Variants in SCUBE1 observed in about 807,000 individuals in gnomAD.
SCUBE1 encodes signal peptide, CUB and EGF-like domain-containing protein 1.
In SCUBE1, 59 loss-of-function variants were observed where a neutral mutation model predicts 124.4. The observed-to-expected ratio is 0.47, with a 90% confidence interval of 0.38 to 0.59. The LOEUF is 0.59. SCUBE1 is among the 20% of genes least tolerant of loss of function. SCUBE1 has a pLI of 0.00. For synonymous variants in SCUBE1, 545 were observed against 550.9 expected, an observed-to-expected ratio of 0.99 and a Z score of 0.15; for missense variants, 1,150 against 1,371.2, an observed-to-expected ratio of 0.84 and a Z score of 2.55.
At chr22:43,254,178 C>CT (rs1272393481) in intron 6 of SCUBE1, among the ~76,000 whole-genome samples, 3 of 152,252 alleles carry the variant, frequency 2.0e-5, no homozygotes, top group Non-Finnish European at 4.4e-5. Flanking sequence ...CTTGCCCTGT[C>CT]TGCCTGTGTG....
chr22:43,261,158 G>A (rs1035971960), intron 5 of SCUBE1, among the ~76,000 whole-genome samples: 4 of 152,236 alleles, frequency 2.6e-5, no homozygotes, highest in Admixed American at 2.6e-4. Context: ...CAACACGGGG[G>A]ACTGGGAAAG....
intron 6 of SCUBE1, among the ~76,000 whole-genome samples, chr22:43,240,075 G>A (rs1922942488): frequency 6.6e-6 from 1 of 152,146 alleles, no homozygotes; most frequent in South Asian, 2.1e-4. Flanking sequence ...GTAGGCGTGT[G>A]CAGGGGGAGA....
intron 7 of SCUBE1, 114 bp from the exon 8 acceptor site, chr22:43,231,989 C>T (rs1922574025): frequency 7.7e-7 from 1 of 1,301,276 alleles, no homozygotes; most frequent in Non-Finnish European, 1.1e-6. Flanking sequence ...TTGCCTGGTG[C>T]CCACTTCCCA....
intron 9 of SCUBE1, among the ~76,000 whole-genome samples, chr22:43,228,108 T>C (rs1922400149): frequency 6.6e-6 from 1 of 152,194 alleles, no homozygotes; most frequent in South Asian, 2.1e-4. Flanking sequence ...AAGCACCAGC[T>C]ATGTCCTGAT....
At chr22:43,327,982 G>T (rs1236384009) in intron 2 of SCUBE1, among the ~76,000 whole-genome samples, 1 of 152,106 alleles carries the variant, frequency 6.6e-6, no homozygotes, top group Admixed American at 6.5e-5. Flanking sequence ...TTCTCCTCTG[G>T]GCTGGTTGCA....
At chr22:43,215,915 A>G (rs1257267457) in intron 15 of SCUBE1, among the ~76,000 whole-genome samples, 1 of 143,422 alleles carries the variant, frequency 7.0e-6, no homozygotes, top group Non-Finnish European at 1.5e-5. Context: ...ACACTCACAC[A>G]CATGCACACG....
At chr22:43,329,078 G>T (rs533336730) in intron 2 of SCUBE1, among the ~76,000 whole-genome samples, 1 of 152,350 alleles carries the variant, frequency 6.6e-6, no homozygotes, top group Non-Finnish European at 1.5e-5. Flanking sequence ...GAAGGATCAG[G>T]CCACCTCCCT....
chr22:43,286,071 G>C (rs1043787872), intron 4 of SCUBE1, among the ~76,000 whole-genome samples: 1 of 152,322 alleles, frequency 6.6e-6, no homozygotes, highest in South Asian at 2.1e-4. Flanking sequence ...CTGACTCTGC[G>C]GCCGGCTTGT....
chr22:43,203,994 C>G lies in SCUBE1; in HGVS notation c.*3G>C. ...CACCCCCAGGCAGGGCCGCTCCCCC[C>G]GGTTATTTGTAGGGCCGCAGGAACC... On this transcript the variant is annotated 3_prime_UTR_variant, in exon 22 of 22. Transcript: ENST00000360835. 1 of 1,613,960 alleles carries G rather than the reference C, an allele frequency of 6.2e-7. No homozygotes were observed. The highest frequency in any genetic ancestry group is 8.5e-7 in the Non-Finnish European group (1 of 1,179,936).
chr22:43,308,118 T>C (rs1926040568), intron 3 of SCUBE1, among the ~76,000 whole-genome samples: 1 of 152,240 alleles, frequency 6.6e-6, no homozygotes, highest in African/African-American at 2.4e-5. Context: ...CTCCCCTTTT[T>C]TGTAGCGATT....
chr22:43,253,527 G>A lies in SCUBE1; in HGVS notation c.727+4692C>T, dbSNP rs114309048. Among the ~76,000 whole-genome samples the A allele has an allele frequency of 9.3e-3, 1,421 of 152,216 alleles. 23 individuals carry two copies. The highest frequency in any genetic ancestry group is 0.033 in the African/African-American group (1,369 of 41,512). ...ATCATAGAGGTGGGGGTGCAGGGGAGGGTCCCCACCCAGATGCCTGGCACA... is the reference window on the plus strand; with the variant it reads ...ATCATAGAGGTGGGGGTGCAGGGGAAGGTCCCCACCCAGATGCCTGGCACA... On this transcript the variant is annotated intron_variant, in intron 6 of 21. Transcript: ENST00000360835.
intron 13 of SCUBE1, 83 bp from the exon 14 acceptor site, chr22:43,220,670 T>C (rs950996249): frequency 2.6e-6 from 4 of 1,526,582 alleles, no homozygotes; most frequent in African/African-American, 2.7e-5. Context: ...CAGAGTGCCA[T>C]TGGCAAGGAC....
chr22:43,321,069 G>A (rs1259571766), intron 2 of SCUBE1, among the ~76,000 whole-genome samples: 4 of 152,200 alleles, frequency 2.6e-5, no homozygotes, highest in Non-Finnish European at 4.4e-5. Flanking sequence ...TGGGGAGAGA[G>A]GAGGGCCGGA....
At chr22:43,237,167 C>T (rs1198792997) in intron 7 of SCUBE1, among the ~76,000 whole-genome samples, 1 of 152,184 alleles carries the variant, frequency 6.6e-6, no homozygotes, top group Non-Finnish European at 1.5e-5. Context: ...CCACCCTACC[C>T]TCAGAGCCAG....
At chr22:43,263,107 G>A (rs754844939) in intron 4 of SCUBE1, among the ~76,000 whole-genome samples, 2 of 152,190 alleles carry the variant, frequency 1.3e-5, no homozygotes, top group Non-Finnish European at 2.9e-5. Flanking sequence ...CACTGTAAAT[G>A]GCACCTCGTG....
chr22:43,227,209 T>C (rs1922352652), intron 10 of SCUBE1, among the ~76,000 whole-genome samples, 165 bp downstream of exon 10: 1 of 152,148 alleles, frequency 6.6e-6, no homozygotes, highest in Non-Finnish European at 1.5e-5. Flanking sequence ...CAAGTCCTCA[T>C]TCCCATCAGC....
chr22:43,228,037 A>G (rs1922396893), intron 9 of SCUBE1, among the ~76,000 whole-genome samples: 1 of 152,194 alleles, frequency 6.6e-6, no homozygotes, highest in Admixed American at 6.5e-5. Context: ...GGCCCAGGGA[A>G]GGGGTGCCCA....
At chr22:43,323,054 G>A (rs113581375) in intron 2 of SCUBE1, among the ~76,000 whole-genome samples, 5 of 152,188 alleles carry the variant, frequency 3.3e-5, no homozygotes, top group African/African-American at 1.2e-4. Flanking sequence ...GGAAGCCCAC[G>A]TCCTTTCTAA....
chr22:43,299,793 C>G (rs1925698531), intron 3 of SCUBE1, among the ~76,000 whole-genome samples: 1 of 152,170 alleles, frequency 6.6e-6, no homozygotes, highest in Non-Finnish European at 1.5e-5. Flanking sequence ...GTCCCAATTC[C>G]TACCCCTTCG....
Sources: gnomAD v4.1 joint callset for allele counts (sites outside exome capture counted in the v4.1 genomes callset) on GRCh38, gnomAD v4.1.1 for gene constraint, MANE v1.5 for transcripts, NCBI Gene and HGNC (gene_info 2026-07-23, HGNC 2026-07-21) for gene names.